The following ALK variants were observed in gnomAD, a reference collection of about 807,000 sequenced individuals.
ALK encodes the protein ALK tyrosine kinase receptor.
In ALK, 74 loss-of-function variants were observed where a neutral mutation model predicts 163.1. That is an observed-to-expected ratio of 0.45 (90% CI 0.38 to 0.55). ALK has a LOEUF of 0.55. Among genes scored for constraint, ALK ranks in the 20% least tolerant of loss-of-function variants. The probability of loss-of-function intolerance (pLI) is 0.00; values close to 1 mark genes in which losing one functional copy is unlikely to be tolerated. For missense variants in ALK, 2,063 were observed against 2,105.3 expected (o/e 0.98, Z 0.39); for synonymous variants, 960 against 843.2 (o/e 1.14, Z -2.40).
chr2:29,670,483 T>C (rs764376077), intron 3 of ALK, among the ~76,000 whole-genome samples: 72 of 152,072 alleles, frequency 4.7e-4, no homozygotes, highest in Non-Finnish European at 5.7e-4. Flanking sequence ...TTGGTTATTA[T>C]ATACCTTGGT....
intron 4 of ALK, among the ~76,000 whole-genome samples, chr2:29,434,630 CT>C (rs1255037422): frequency 6.6e-6 from 1 of 152,168 alleles, no homozygotes; most frequent in Non-Finnish European, 1.5e-5. Flanking sequence ...ATGGTTTGGT[CT>C]TTAGAGTTTG....
chr2:29,869,082 A>G (rs1026988077), intron 1 of ALK, among the ~76,000 whole-genome samples: 2 of 152,160 alleles, frequency 1.3e-5, no homozygotes, highest in African/African-American at 4.8e-5. Context: ...ACCCCCAGCT[A>G]CTGAGTCTTC....
At chr2:29,524,682 T>A (rs570278822) in intron 4 of ALK, among the ~76,000 whole-genome samples, 1 of 152,342 alleles carries the variant, frequency 6.6e-6, no homozygotes, top group South Asian at 2.1e-4. Context: ...AAAGGAGGGC[T>A]GTGGCTCTGT....
chr2:29,508,781 C>T (rs1179121765), intron 4 of ALK, among the ~76,000 whole-genome samples: 2 of 144,732 alleles, frequency 1.4e-5, no homozygotes, highest in African/African-American at 2.6e-5. Flanking sequence ...TCCAGCCCAT[C>T]CCTGACCTAT....
chr2:29,807,795 C>A, intron 1 of ALK, among the ~76,000 whole-genome samples: 1 of 152,202 alleles, frequency 6.6e-6, no homozygotes. Flanking sequence ...GTTATGGCAT[C>A]TCACTGTAGA....
At chr2:29,554,676 C>T (rs1314451337) in intron 3 of ALK, among the ~76,000 whole-genome samples, 1 of 152,132 alleles carries the variant, frequency 6.6e-6, no homozygotes, top group African/African-American at 2.4e-5. Context: ...GGTGTTTGAA[C>T]CAGAGCAACT....
At chr2:29,566,589 AATTTGGCAAAAACCTTGAG>A (rs1293245068) in intron 3 of ALK, among the ~76,000 whole-genome samples, 3 of 152,212 alleles carry the variant, frequency 2.0e-5, no homozygotes, top group South Asian at 4.1e-4. Context: ...TCTGGAGGAA[AATTTGGCAAAAACCTTGAG>A]ATTTGGCAAA....
chr2:29,541,888 T>C (rs1673423016), intron 3 of ALK, among the ~76,000 whole-genome samples: 1 of 152,154 alleles, frequency 6.6e-6, no homozygotes, highest in Non-Finnish European at 1.5e-5. Flanking sequence ...ACCGTGAGAT[T>C]TCATCTACAT....
At chr2:29,500,073 C>G (rs1672128515) in intron 4 of ALK, among the ~76,000 whole-genome samples, 1 of 152,192 alleles carries the variant, frequency 6.6e-6, no homozygotes, top group Non-Finnish European at 1.5e-5. Flanking sequence ...GCTCCTTCCC[C>G]ACAGTGGCTC....
chr2:29,693,010 G>A (rs1678446862), intron 3 of ALK, among the ~76,000 whole-genome samples: 1 of 152,186 alleles, frequency 6.6e-6, no homozygotes, highest in Non-Finnish European at 1.5e-5. Context: ...TAGTCAATAT[G>A]TTGTTTGGAG....
chr2:29,433,417 G>A (rs542770335), intron 4 of ALK, among the ~76,000 whole-genome samples: 9 of 152,320 alleles, frequency 5.9e-5, no homozygotes, highest in African/African-American at 1.9e-4. Context: ...AGGCCATTAG[G>A]AGGCTTGATA....
At chr2:29,876,315 A>ATGACAGTGG (rs1666703979) in intron 1 of ALK, among the ~76,000 whole-genome samples, 1 of 152,170 alleles carries the variant, frequency 6.6e-6, no homozygotes, top group Admixed American at 6.5e-5. Flanking sequence ...AGTGGTGGTG[A>ATGACAGTGG]TGGTGATGGT....
intron 26 of ALK, among the ~76,000 whole-genome samples, chr2:29,202,618 T>G (rs926095003): frequency 5.9e-5 from 9 of 152,284 alleles, no homozygotes; most frequent in African/African-American, 2.2e-4. Flanking sequence ...TTTTTTATAT[T>G]GTAAAGTTAT....
chr2:29,506,946 C>CT (rs1312405800), intron 4 of ALK, among the ~76,000 whole-genome samples: 96 of 152,208 alleles, frequency 6.3e-4, no homozygotes, highest in Non-Finnish European at 1.2e-3. Context: ...ATGATGCAGC[C>CT]ACTATGGAAA....
intron 4 of ALK, among the ~76,000 whole-genome samples, chr2:29,458,883 C>A (rs1463730173): frequency 4.6e-5 from 7 of 152,144 alleles, no homozygotes; most frequent in Admixed American, 3.9e-4. Context: ...TTCTGATACT[C>A]CCAAATGCCC....
chr2:29,238,868 A>G (rs954607834), intron 13 of ALK, among the ~76,000 whole-genome samples: 2 of 152,218 alleles, frequency 1.3e-5, no homozygotes, highest in South Asian at 4.1e-4. Flanking sequence ...TGAATTTTTA[A>G]AAAAGACGCG....
intron 3 of ALK, among the ~76,000 whole-genome samples, chr2:29,664,563 T>C (rs973239726): frequency 2.0e-5 from 3 of 152,114 alleles, no homozygotes; most frequent in African/African-American, 7.2e-5. Context: ...GAAGGGCTGG[T>C]CAAGTTACCC....
At chr2:29,530,073 T>C (rs1438346613) in intron 4 of ALK, among the ~76,000 whole-genome samples, 1 of 150,404 alleles carries the variant, frequency 6.6e-6, no homozygotes, top group Admixed American at 6.6e-5. Context: ...TTTTTTTTTT[T>C]TTTTTTTTTT....
chr2:29,545,755 T>C (rs941501292), intron 3 of ALK, among the ~76,000 whole-genome samples: 4 of 152,192 alleles, frequency 2.6e-5, no homozygotes, highest in Admixed American at 2.6e-4. Context: ...TGAAGAGAAA[T>C]GGTATTCGTT....
Sources: allele counts gnomAD v4.1 joint callset (sites outside exome capture counted in the v4.1 genomes callset), GRCh38; gene constraint gnomAD v4.1.1; transcripts MANE v1.5; gene names NCBI Gene and HGNC (gene_info 2026-07-23, HGNC 2026-07-21).